Variants in PLEKHG1 observed in about 807,000 individuals in gnomAD.
PLEKHG1 encodes the protein pleckstrin homology and RhoGEF domain containing G1, also known as pleckstrin homology domain-containing family G member 1.
In PLEKHG1, 44 loss-of-function variants were observed where a neutral mutation model predicts 100.8. That is an observed-to-expected ratio of 0.44 (90% CI 0.34 to 0.56). PLEKHG1 has a LOEUF of 0.56. PLEKHG1 is among the 20% of genes least tolerant of loss of function. The pLI is 0.01. For synonymous variants in PLEKHG1, 640 were observed against 662.5 expected, an observed-to-expected ratio of 0.97 and a Z score of 0.52; for missense variants, 1,545 against 1,720.9, an observed-to-expected ratio of 0.90 and a Z score of 1.81.
At chr6:150,774,752 C>T (rs1371690853) in intron 3 of PLEKHG1, among the ~76,000 whole-genome samples, 4 of 151,716 alleles carry the variant, frequency 2.6e-5, no homozygotes, top group Non-Finnish European at 5.9e-5. Context: ...GTTGGCCAGG[C>T]TGGTCACGAA....
chr6:150,780,547 C>A (rs1324661412), intron 3 of PLEKHG1, among the ~76,000 whole-genome samples: 1 of 152,094 alleles, frequency 6.6e-6, no homozygotes, highest in Non-Finnish European at 1.5e-5. Flanking sequence ...ACAGGTGTAG[C>A]ATTTACCCCG....
chr6:150,688,603 G>A (rs939575463), intron 3 of PLEKHG1, among the ~76,000 whole-genome samples: 12 of 152,198 alleles, frequency 7.9e-5, no homozygotes, highest in African/African-American at 2.9e-4. Flanking sequence ...CTCTCTTTGG[G>A]ATTACAGCCA....
intron 3 of PLEKHG1, among the ~76,000 whole-genome samples, chr6:150,674,839 T>C (rs759712707): frequency 1.4e-4 from 22 of 151,960 alleles, no homozygotes; most frequent in Non-Finnish European, 2.5e-4. Context: ...CCTACCACCA[T>C]GCCTGGCTAA....
chr6:150,827,089 C>T (rs1256998875), intron 14 of PLEKHG1, among the ~76,000 whole-genome samples: 1 of 149,032 alleles, frequency 6.7e-6, no homozygotes, highest in Non-Finnish European at 1.5e-5. Context: ...GATGGGGTGT[C>T]TCACCATGTT....
intron 14 of PLEKHG1, among the ~76,000 whole-genome samples, chr6:150,825,733 C>CCA (rs1308413240): frequency 2.0e-5 from 3 of 152,170 alleles, no homozygotes; most frequent in African/African-American, 7.2e-5. Flanking sequence ...CTGTTTCTGC[C>CCA]ATTTATAAAC....
chr6:150,802,793 TGG>T, intron 6 of PLEKHG1, among the ~76,000 whole-genome samples: 1 of 151,914 alleles, frequency 6.6e-6, no homozygotes, highest in East Asian at 1.9e-4. Context: ...CCCGAGTAGC[TGG>T]GACTACAGGC....
At chr6:150,671,952 G>T (rs1187330859) in intron 3 of PLEKHG1, among the ~76,000 whole-genome samples, 1 of 152,156 alleles carries the variant, frequency 6.6e-6, no homozygotes, top group Non-Finnish European at 1.5e-5. Flanking sequence ...AAGCAGGAGG[G>T]TGATGGAATC....
chr6:150,659,749 A>G (rs542122459), intron 3 of PLEKHG1, among the ~76,000 whole-genome samples: 62 of 152,304 alleles, frequency 4.1e-4, no homozygotes, highest in African/African-American at 1.4e-3. Flanking sequence ...TTCATTTAGC[A>G]ATTTTAATTA....
intron 2 of PLEKHG1, among the ~76,000 whole-genome samples, chr6:150,760,369 G>A (rs1416386412): frequency 2.0e-5 from 3 of 152,162 alleles, no homozygotes; most frequent in African/African-American, 7.2e-5. Context: ...GAAATAAAAA[G>A]CGTGTAAAGT....
intron 3 of PLEKHG1, among the ~76,000 whole-genome samples, chr6:150,770,547 G>T (rs2128640945): frequency 6.6e-6 from 1 of 152,290 alleles, no homozygotes; most frequent in Non-Finnish European, 1.5e-5. Context: ...GTTGGTCGAG[G>T]TGGGGCCAGA....
At chr6:150,815,713 C>T (rs374697284) in intron 10 of PLEKHG1, among the ~76,000 whole-genome samples, 18 of 152,226 alleles carry the variant, frequency 1.2e-4, no homozygotes, top group East Asian at 3.9e-4. Context: ...TAAACGTGAT[C>T]GCCACTTAGC....
chr6:150,761,965 C>T (rs1469455293), intron 2 of PLEKHG1, among the ~76,000 whole-genome samples: 3 of 152,102 alleles, frequency 2.0e-5, no homozygotes, highest in African/African-American at 2.4e-5. Flanking sequence ...ACTGAACAGG[C>T]GCATGTATCA....
At position 150,600,491 on chromosome 6, in the gene PLEKHG1, C is replaced by A. The variant is rs1210706631; in HGVS notation, c.-204+474C>A. Among the ~76,000 whole-genome samples, 3 of 151,826 alleles carry A rather than the reference C, an allele frequency of 2.0e-5. No homozygotes were observed. Among genetic ancestry groups the A allele is most frequent in the Admixed American group, 6.5e-5 (1 of 15,268 alleles). ...ACAGCCAGTCAGCTGGGTCAGCTCC[C>A]CAGCAGCGAAGCCGGGAGCCCGAGG... On this transcript the variant is annotated intron_variant, in intron 1 of 3. Coordinates refer to the PLEKHG1 transcript ENST00000367326. The surrounding 1 kb of genome is among the most constrained non-coding windows in gnomAD (Gnocchi z 6.2).
At chr6:150,705,407 T>C (rs1472582132) in intron 3 of PLEKHG1, among the ~76,000 whole-genome samples, 6 of 152,276 alleles carry the variant, frequency 3.9e-5, no homozygotes. Flanking sequence ...TCTCTGACAC[T>C]GTCTTTGTCA....
chr6:150,751,142 G>A (rs903543977), intron 2 of PLEKHG1, among the ~76,000 whole-genome samples: 5 of 152,074 alleles, frequency 3.3e-5, no homozygotes, highest in Non-Finnish European at 1.5e-5. Flanking sequence ...CTATGTTAAG[G>A]TATTTCAGAA....
intron 1 of PLEKHG1, chr6:150,632,975 T>C (rs956621963): frequency 6.6e-6 from 1 of 152,100 alleles, no homozygotes; most frequent in African/African-American, 2.4e-5. Context: ...TAGTTTCGCT[T>C]TTAAAACTGT....
Position 150,726,500 on chromosome 6 carries a change from A to G in PLEKHG1, c.-99+5300A>G, listed in dbSNP as rs1781970544. ...ATTTTGAAAATTTTTTAAATGTATAAAAAAGTTGCAAAGATTGTGCAAAGT... is the reference window on the plus strand; with the variant it reads ...ATTTTGAAAATTTTTTAAATGTATAGAAAAGTTGCAAAGATTGTGCAAAGT... On this transcript the variant is annotated intron_variant, in intron 1 of 15. Transcript: ENST00000358517. Among the ~76,000 whole-genome samples, 3 of 152,190 alleles carry G rather than the reference A, an allele frequency of 2.0e-5. No homozygotes were observed. In the South Asian group the frequency reaches 6.2e-4, roughly 32 times the overall value.
upstream of PLEKHG1, among the ~76,000 whole-genome samples, chr6:150,716,266 G>A (rs927607456): frequency 3.9e-5 from 6 of 152,154 alleles, no homozygotes; most frequent in African/African-American, 1.4e-4. Context: ...GTTCCACAAT[G>A]GCAAGATCTT....
intron 2 of PLEKHG1, among the ~76,000 whole-genome samples, chr6:150,752,753 A>G (rs1783591988): frequency 6.6e-6 from 1 of 152,184 alleles, no homozygotes; most frequent in Non-Finnish European, 1.5e-5. Flanking sequence ...TTTTATGAAA[A>G]TAATGCAGAC....
Sources: allele counts gnomAD v4.1 joint callset (sites outside exome capture counted in the v4.1 genomes callset), GRCh38; gene constraint gnomAD v4.1.1; non-coding constraint Gnocchi (gnomAD v3.1); transcripts MANE v1.5; gene names NCBI Gene and HGNC (gene_info 2026-07-23, HGNC 2026-07-21).